Variants in ARHGAP27 observed in about 807,000 individuals in gnomAD.
ARHGAP27 encodes Rho GTPase activating protein 27.
Under a neutral mutation model 102.0 loss-of-function variants are expected in ARHGAP27, and 53 were observed. That is an observed-to-expected ratio of 0.52 (90% CI 0.42 to 0.65). The LOEUF (loss-of-function observed/expected upper bound fraction) is 0.65, where lower values mean the gene tolerates loss of function less well. Among genes scored for constraint, ARHGAP27 ranks in the 30% least tolerant of loss-of-function variants. The pLI, the probability that ARHGAP27 is intolerant of heterozygous loss-of-function variation, is 0.00. For missense variants in ARHGAP27, 1,117 were observed against 1,256.2 expected, an observed-to-expected ratio of 0.89 and a Z score of 1.68; for synonymous variants, 525 against 542.8, an observed-to-expected ratio of 0.97 and a Z score of 0.46.
At chr17:45,405,650 C>T (rs1292458750) in intron 5 of ARHGAP27, 26 bp downstream of exon 5, 3 of 1,557,140 alleles carry the variant, frequency 1.9e-6, no homozygotes, top group Non-Finnish European at 2.6e-6. Flanking sequence ...AGAGGTAGAA[C>T]CGCCCACTCT....
chr17:45,403,904 G>A (rs2046785446), intron 10 of ARHGAP27, 125 bp downstream of exon 10: 1 of 1,146,460 alleles, frequency 8.7e-7, no homozygotes, highest in Non-Finnish European at 1.3e-6. Context: ...GTGTCTCAGG[G>A]TCCACAGAGG....
chr17:45,410,434 G>T, intron 4 of ARHGAP27: 1 of 1,352,644 alleles, frequency 7.4e-7, no homozygotes, highest in East Asian at 3.1e-5. Context: ...CCCATTTCCT[G>T]TCAGGGCTGC....
chr17:45,428,953 G>T (rs2049839410), intron 4 of ARHGAP27, among the ~76,000 whole-genome samples: 2 of 152,184 alleles, frequency 1.3e-5, no homozygotes, highest in Admixed American at 1.3e-4. Flanking sequence ...ACTCTGAAGA[G>T]GGGGAAAAAA....
At position 45,404,268 on chromosome 17, in the gene ARHGAP27, C is replaced by A; in HGVS notation, c.1479+1G>T. 4 of 1,613,940 alleles carry A rather than the reference C, an allele frequency of 2.5e-6. No individual in the cohort carries two copies. Among genetic ancestry groups the A allele is most frequent in the Non-Finnish European group, 3.4e-6 (4 of 1,179,968 alleles). On this transcript the variant is annotated splice_donor_variant, in intron 9 of 19. Transcript: ENST00000685559. LOFTEE classifies it high-confidence loss of function. ...GGCTGGGGGTAGGGGGTGATGCCTA[C>A]CCTCACAGCAGCTGTGGCAGGAGAG...
intron 4 of ARHGAP27, chr17:45,429,333 G>T: frequency 9.7e-7 from 1 of 1,030,888 alleles, no homozygotes; most frequent in African/African-American, 1.7e-5. Flanking sequence ...GATAAATAAA[G>T]ACCATCAGCA....
At chr17:45,410,260 C>T in intron 4 of ARHGAP27, 3 of 1,533,552 alleles carry the variant, frequency 2.0e-6, no homozygotes, top group Middle Eastern at 1.7e-4. Context: ...ACTCTGCCTC[C>T]TGGTCACTTT....
At chr17:45,402,137 G>T (rs1397264404) in intron 12 of ARHGAP27, among the ~76,000 whole-genome samples, 1 of 152,192 alleles carries the variant, frequency 6.6e-6, no homozygotes, top group Non-Finnish European at 1.5e-5. Flanking sequence ...CACTGGGGAT[G>T]CGGTCCAGTC....
rs1168633519 is a variant in ARHGAP27, at chr17:45,404,656, C to T, written c.1274G>A (p.Gly425Glu). The change falls in exon 7 of 20, where the codon GGG (glycine) becomes GAG (glutamate). Residue 425 changes from glycine (G) to glutamate (E), a missense_variant. Gly to Glu is a moderately conservative substitution (Grantham distance 98). Coordinates refer to ENST00000685559, the MANE Select transcript of ARHGAP27 (RefSeq NM_001282290.2). Reference protein sequence around the residue: ...EQWVRLEDPHGKPYFYNPEDS... With the variant: ...EQWVRLEDPHEKPYFYNPEDS... ...CTCTGGATTGTAGAAGTATGGCTTC[C>T]CGTGGGGGTCCTCCAGCCTCACCCA... The T allele has an allele frequency of 6.2e-7, 1 of 1,612,656 alleles. No homozygotes were observed. Among genetic ancestry groups the T allele is most frequent in the Non-Finnish European group, 8.5e-7 (1 of 1,179,634 alleles).
At chr17:45,431,305 G>C (rs897553645) in intron 3 of ARHGAP27, among the ~76,000 whole-genome samples, 6 of 152,192 alleles carry the variant, frequency 3.9e-5, no homozygotes, top group African/African-American at 1.2e-4. Flanking sequence ...GCCATGAGTC[G>C]GTTTTCTCCG....
chr17:45,414,909 A>AAG (rs1385338596), intron 4 of ARHGAP27, among the ~76,000 whole-genome samples: 1 of 147,862 alleles, frequency 6.8e-6, no homozygotes, highest in East Asian at 2.0e-4. Context: ...TACCAAAAAA[A>AAG]AAAAAAAAAA....
At position 45,395,226 on chromosome 17, in the gene ARHGAP27, G is replaced by T; in HGVS notation, c.*230C>A. On this transcript the variant is annotated 3_prime_UTR_variant, in exon 20 of 20. Transcript: ENST00000685559. Reference sequence around the variant, plus strand: ...AAAAACCGAATTAACCCCCAAACAGGACGTGACGGGAAGGGAAGGGGGGAT... The same window carrying T: ...AAAAACCGAATTAACCCCCAAACAGTACGTGACGGGAAGGGAAGGGGGGAT... 1.7e-6 allele frequency: 1 copy of T among 592,652 alleles called. No individual in the cohort carries two copies. The highest frequency in any genetic ancestry group is 2.9e-6 in the Non-Finnish European group (1 of 339,542). 36.7% of individuals were successfully genotyped at this position (592,652 alleles called of 1,614,324 possible). A position where few individuals can be genotyped will look rare whatever the true frequency, so the allele number is the denominator to read the frequency against.
chr17:45,396,718 A>T lies in ARHGAP27; in HGVS notation c.2024T>A (p.Leu675His). The change falls in exon 15 of 20, where the codon CTC (leucine) becomes CAC (histidine). Residue 675 changes from leucine (L) to histidine (H), a missense_variant. Leu to His is a moderately conservative substitution (Grantham distance 99, BLOSUM62 -3). Around this residue, in one of 3 missense-constraint regions of ARHGAP27, gnomAD observed 493 missense variants for 505.5 expected, o/e 0.98. Transcript: ENST00000685559. ...CGACTGCAGTGTGGGCCGCCTCTGG[A>T]GGAACTTGCGGAGCTTGTGCCGGAC... ...SKVRHKLRKFLQRRPTLQSLR... is the reference protein window; with the variant it reads ...SKVRHKLRKFHQRRPTLQSLR... The T allele has an allele frequency of 6.2e-7, 1 of 1,613,800 alleles. No homozygotes were observed. The highest frequency in any genetic ancestry group is 8.5e-7 in the Non-Finnish European group (1 of 1,179,790).
At position 45,429,897 on chromosome 17, in the gene ARHGAP27, G is replaced by A; in HGVS notation, c.383C>T (p.Ala128Val). The change falls in exon 4 of 20, where the codon GCC becomes GTC. Residue 128 changes from alanine to valine, a missense_variant. Physicochemically the swap from Ala to Val is moderately conservative, Grantham distance 64. Around this residue, in one of 3 missense-constraint regions of ARHGAP27, gnomAD observed 610 missense variants for 716.4 expected, o/e 0.85. Coordinates refer to ENST00000685559, the MANE Select transcript of ARHGAP27 (RefSeq NM_001282290.2). ...SSLCGPAQRG[A>V]ATQRSSLAPG... The stretch of plus-strand genomic sequence containing the variant: ...CGCCAGGCTGCTGCGCTGGGTCGCG[G>A]CGCCGCGTTGCGCAGGGCCGCACAG... 1 of 1,161,886 alleles carries A rather than the reference G, an allele frequency of 8.6e-7. No homozygotes were observed. 72.0% of individuals were successfully genotyped at this position (1,161,886 alleles called of 1,614,324 possible). A position where few individuals can be genotyped will look rare whatever the true frequency, so the allele number is the denominator to read the frequency against.
At chr17:45,410,097 C>T (rs369044286) in intron 4 of ARHGAP27, 66 of 1,170,214 alleles carry the variant, frequency 5.6e-5, no homozygotes, top group Middle Eastern at 2.0e-4. Context: ...GCAGGGCCTC[C>T]GAGAAGGAAA....
At chr17:45,420,337 T>A (rs1438757257) in intron 4 of ARHGAP27, among the ~76,000 whole-genome samples, 1 of 152,168 alleles carries the variant, frequency 6.6e-6, no homozygotes, top group Non-Finnish European at 1.5e-5. Context: ...GTTTTACACA[T>A]AGGACGGTGT....
rs781209577 is a variant in ARHGAP27 at position 45,395,857 on chromosome 17, A to G, written c.2387-8T>C. 1 of 1,598,352 alleles carries G rather than the reference A, an allele frequency of 6.3e-7. No individual in the cohort carries two copies. Among genetic ancestry groups the G allele is most frequent in the South Asian group, 1.1e-5 (1 of 89,160 alleles). On this transcript the variant is annotated splice_region_variant and splice_polypyrimidine_tract_variant and intron_variant, in intron 18 of 19. Coordinates refer to ENST00000685559, the MANE Select transcript of ARHGAP27 (RefSeq NM_001282290.2). ...GGGCCTGGTCCTGCAACTCTGGGTG[A>G]GGGAAGGTTTAGAGGGAGGGAGTCG...
At chr17:45,399,438 A>C (rs1337813070) in intron 12 of ARHGAP27, among the ~76,000 whole-genome samples, 2 of 152,030 alleles carry the variant, frequency 1.3e-5, no homozygotes, top group African/African-American at 4.8e-5. Flanking sequence ...TAAAAATGCA[A>C]AAAATTAGCT....
intron 4 of ARHGAP27, among the ~76,000 whole-genome samples, chr17:45,420,383 A>G (rs1377956161): frequency 6.6e-6 from 1 of 152,224 alleles, no homozygotes; most frequent in Admixed American, 6.5e-5. Context: ...CAGATACATA[A>G]TTATACTAGT....
chr17:45,395,340 G>C lies in ARHGAP27; in HGVS notation c.*116C>G. 1 of 1,323,364 alleles carries C rather than the reference G, an allele frequency of 7.6e-7. No individual in the cohort carries two copies. The highest frequency in any genetic ancestry group is 1.0e-6 in the Non-Finnish European group (1 of 986,918). The allele number at this position is 1,323,364 out of a possible 1,614,324, so 82.0% of individuals were successfully genotyped here. A position where few individuals can be genotyped will look rare whatever the true frequency, so the allele number is the denominator to read the frequency against. On this transcript the variant is annotated 3_prime_UTR_variant, in exon 20 of 20. Transcript: ENST00000685559. ...AACCGAGGGTGCAGAAGTCACACCG[G>C]CCTGCGGCTATGCGCTGGCGGAGGG...
Sources: gnomAD v4.1 joint callset for allele counts (sites outside exome capture counted in the v4.1 genomes callset) on GRCh38, gnomAD v4.1.1 for gene constraint, gnomAD v4.1.1 regional missense constraint, MANE v1.5 for transcripts, NCBI Gene and HGNC (gene_info 2026-07-23, HGNC 2026-07-21) for gene names.